The following FAR1 variants were observed in gnomAD, a reference collection of about 807,000 sequenced individuals.
The protein encoded by FAR1 is male sterility domain-containing protein 2.
FAR1 carries 22 observed loss-of-function variants against 61.1 expected under a neutral mutation model. That is an observed-to-expected ratio of 0.36 (90% CI 0.26 to 0.51). The LOEUF is 0.51. Ranked by LOEUF, FAR1 falls within the 20% of genes least tolerant of loss-of-function variation. The probability of loss-of-function intolerance (pLI) is 0.95; values close to 1 mark genes in which losing one functional copy is unlikely to be tolerated. For missense variants in FAR1, 359 were observed against 626.9 expected (o/e 0.57, Z 4.56); for synonymous variants, 206 against 209.7 (o/e 0.98, Z 0.15).
chr11:13,717,186 C>A (rs1030318587), intron 9 of FAR1, among the ~76,000 whole-genome samples: 1 of 151,736 alleles, frequency 6.6e-6, no homozygotes, highest in Middle Eastern at 3.2e-3. Context: ...CGCCCCAGAT[C>A]CCTGTGGCAT....
chr11:13,709,641 C>T (rs113550389), intron 4 of FAR1, among the ~76,000 whole-genome samples: 5 of 152,052 alleles, frequency 3.3e-5, no homozygotes, highest in African/African-American at 1.2e-4. Context: ...CATGTATCAA[C>T]TATCCCTTTC....
intron 4 of FAR1, among the ~76,000 whole-genome samples, chr11:13,709,804 T>C (rs759812756): frequency 1.3e-4 from 20 of 152,260 alleles, no homozygotes; most frequent in Non-Finnish European, 2.1e-4. Flanking sequence ...TTATGCTTTC[T>C]TATCAATTAG....
chr11:13,698,144 G>A (rs982691906), intron 2 of FAR1, among the ~76,000 whole-genome samples: 4 of 152,086 alleles, frequency 2.6e-5, no homozygotes, highest in South Asian at 2.1e-4. Context: ...TGTCATGCAG[G>A]CACTTTACAC....
At position 13,732,125 on chromosome 11, in the gene FAR1, TAAAA is replaced by T. The variant is rs11292719; in HGVS notation, c.*3360_*3363del. ...AGAAATGAGTTAATTGTCTCTGTGATAAAAAAAAAAAATGAAATATTTTCTTATT... is the reference window on the plus strand; with the variant it reads ...AGAAATGAGTTAATTGTCTCTGTGATAAAAAAAATGAAATATTTTCTTATT... On this transcript the variant is annotated 3_prime_UTR_variant, in exon 12 of 12. Transcript: ENST00000354817. 6.7e-6 allele frequency: 1 copy of T among 149,726 alleles called. No individual in the cohort carries two copies. The highest frequency in any genetic ancestry group is 2.4e-5 in the African/African-American group (1 of 40,846). The allele number at this position is 149,726 out of a possible 1,614,324, so 9.3% of individuals were successfully genotyped here.
At chr11:13,677,646 C>T (rs922226217) in intron 1 of FAR1, among the ~76,000 whole-genome samples, 4 of 152,182 alleles carry the variant, frequency 2.6e-5, no homozygotes, top group East Asian at 1.9e-4. Flanking sequence ...AAGACTTGCC[C>T]GTACATTAGC....
intron 3 of FAR1, among the ~76,000 whole-genome samples, chr11:13,701,062 T>TA (rs1848365994): frequency 6.6e-6 from 1 of 152,044 alleles, no homozygotes; most frequent in African/African-American, 2.4e-5. Context: ...CCACTATTCT[T>TA]AAAAAAATCT....
intron 1 of FAR1, among the ~76,000 whole-genome samples, chr11:13,681,973 T>A (rs1442751015): frequency 1.3e-5 from 2 of 152,340 alleles, no homozygotes; most frequent in Non-Finnish European, 2.9e-5. Flanking sequence ...GATTATGTTA[T>A]GTGCTCTTCT....
In FAR1 at chr11:13,721,573, A is replaced by T; in HGVS notation, c.1128-157A>T. The T allele has an allele frequency of 1.8e-6, 1 of 563,690 alleles. No homozygotes were observed. Among genetic ancestry groups the T allele is most frequent in the Non-Finnish European group, 3.0e-6 (1 of 337,856 alleles). The allele number at this position is 563,690 out of a possible 1,614,324, so 34.9% of individuals were successfully genotyped here. The stretch of plus-strand genomic sequence containing the variant: ...AATTGTTCATCCAAGATGCAGAAAT[A>T]GTCTTATTCCCTGCTGATTTGGTAC... On this transcript the variant is annotated intron_variant, in intron 9 of 11. Transcript: ENST00000354817. The surrounding 1 kb of genome is among the most constrained non-coding windows in gnomAD (Gnocchi z 4.2).
chr11:13,685,501 A>G (rs1476940045), intron 1 of FAR1: 2 of 216,642 alleles, frequency 9.2e-6, no homozygotes, highest in Non-Finnish European at 2.0e-5. Flanking sequence ...GCAATTCTTT[A>G]TAGACCCAGT....
At chr11:13,682,026 A>G (rs1439568223) in intron 1 of FAR1, among the ~76,000 whole-genome samples, 2 of 152,192 alleles carry the variant, frequency 1.3e-5, no homozygotes, top group African/African-American at 4.8e-5. Flanking sequence ...CCCAAGCCTC[A>G]TCCCTGCATA....
At chr11:13,715,692 T>A (rs1338031984) in intron 9 of FAR1, 1 of 152,202 alleles carries the variant, frequency 6.6e-6, no homozygotes, top group Non-Finnish European at 1.5e-5. Flanking sequence ...CTTTCTTTTT[T>A]TTGTTGAAAT....
chr11:13,706,552 A>G (rs1848435010), intron 3 of FAR1, among the ~76,000 whole-genome samples: 1 of 152,100 alleles, frequency 6.6e-6, no homozygotes, highest in African/African-American at 2.4e-5. Flanking sequence ...ACATGTTTTG[A>G]AATATGTATA....
At chr11:13,717,881 CTT>C (rs1324907920) in intron 9 of FAR1, among the ~76,000 whole-genome samples, 3 of 152,032 alleles carry the variant, frequency 2.0e-5, no homozygotes, top group African/African-American at 7.2e-5. Flanking sequence ...ATAGCAGTCT[CTT>C]CATTTTTTTT....
At chr11:13,703,650 A>G (rs1386924517) in intron 3 of FAR1, among the ~76,000 whole-genome samples, 1 of 152,232 alleles carries the variant, frequency 6.6e-6, no homozygotes, top group African/African-American at 2.4e-5. Flanking sequence ...AGTTAAGAGA[A>G]GGTAGATAGA....
Position 13,714,653 on chromosome 11 carries a change from A to C in FAR1, c.1100A>C (p.Tyr367Ser). ...GCCCCAGCATTCCTGTATGATATCT[A>C]CCTCAGGATGACTGGAAGAAGCCCA... is the stretch of plus-strand genomic sequence containing the variant. ...HKAPAFLYDI[Y>S]LRMTGRSPRM... The change falls in exon 9 of 12, where the codon TAC becomes TCC. Residue 367 changes from tyrosine to serine, a missense_variant. This residue lies in a region of FAR1 where 344 missense variants were observed against 570.3 expected (regional missense o/e 0.60). Coordinates refer to ENST00000354817, the MANE Select transcript of FAR1 (RefSeq NM_032228.6). The C allele has an allele frequency of 6.2e-7, 1 of 1,610,986 alleles. No individual in the cohort carries two copies. The highest frequency in any genetic ancestry group is 8.5e-7 in the Non-Finnish European group (1 of 1,178,826).
At chr11:13,695,005 G>T in intron 2 of FAR1, 51 bp downstream of exon 2, 1 of 1,450,296 alleles carries the variant, frequency 6.9e-7, no homozygotes, top group Non-Finnish European at 9.3e-7. Context: ...GTGTGCTTGT[G>T]TATATAATTA....
In FAR1 at chr11:13,716,264, TAAAATTTTAA is replaced by T. The variant is rs535572373; in HGVS notation, c.1127+1589_1127+1598del. ...CCTTACACGAAGAAAGAGGGCTTAG[TAAAATTTTAA>T]AAAAATAAGTGAATAGCTGGTTTAC... On this transcript the variant is annotated intron_variant, in intron 9 of 11. Transcript: ENST00000354817. Among the ~76,000 whole-genome samples, 6 of 151,984 alleles carry T rather than the reference TAAAATTTTAA, an allele frequency of 3.9e-5. No individual in the cohort carries two copies. In the South Asian group the frequency reaches 1.2e-3, roughly 32 times the overall value.
rs1848717124 is a variant in FAR1 at position 13,730,822 on chromosome 11, G to A, written c.*2048G>A. On this transcript the variant is annotated 3_prime_UTR_variant, in exon 12 of 12. Coordinates refer to ENST00000354817, the MANE Select transcript of FAR1 (RefSeq NM_032228.6). ...GCCACTCACTGCATTAATTTTGTGT[G>A]TTTAGAGTTCTGTTGTCAAAAGAAA... The A allele has an allele frequency of 6.6e-6, 1 of 152,056 alleles. No individual in the cohort carries two copies. The highest frequency in any genetic ancestry group is 1.5e-5 in the Non-Finnish European group (1 of 67,962). 9.4% of individuals were successfully genotyped at this position (152,056 alleles called of 1,614,324 possible).
rs1463956658 is a variant in FAR1 at position 13,728,808 on chromosome 11, T to C, written c.*34T>C. ...GATTCAGCATTAGAACATCTATACA[T>C]ATGGTGATCTAAATGTACAAAATGT... On this transcript the variant is annotated 3_prime_UTR_variant, in exon 12 of 12. Coordinates refer to ENST00000354817, the MANE Select transcript of FAR1 (RefSeq NM_032228.6). 4 of 1,559,734 alleles carry C rather than the reference T, an allele frequency of 2.6e-6. No individual in the cohort carries two copies. The East Asian group carries it at 9.0e-5, about 35-fold the overall frequency.
Sources: gnomAD v4.1 joint callset for allele counts (sites outside exome capture counted in the v4.1 genomes callset) on GRCh38, gnomAD v4.1.1 for gene constraint, gnomAD v4.1.1 regional missense constraint, Gnocchi (gnomAD v3.1) non-coding constraint, MANE v1.5 for transcripts, NCBI Gene and HGNC (gene_info 2026-07-23, HGNC 2026-07-21) for gene names.